Variants in MAP7 observed in about 807,000 individuals in gnomAD.
MAP7 encodes the protein ensconsin.
In MAP7, 52 loss-of-function variants were observed where a neutral mutation model predicts 94.8. The ratio of observed to expected loss-of-function variants is 0.55; its 90% CI spans 0.44 to 0.69. The LOEUF (loss-of-function observed/expected upper bound fraction) is 0.69, where lower values mean the gene tolerates loss of function less well. Among genes scored for constraint, MAP7 ranks in the 30% least tolerant of loss-of-function variants. The pLI is 0.00. For synonymous variants in MAP7, 350 were observed against 357.0 expected (o/e 0.98, Z 0.22); for missense variants, 940 against 964.6 (o/e 0.97, Z 0.34).
At chr6:136,376,844 T>C (rs770644010) in intron 7 of MAP7, among the ~76,000 whole-genome samples, 2 of 152,200 alleles carry the variant, frequency 1.3e-5, no homozygotes, top group African/African-American at 4.8e-5. Flanking sequence ...AAAGACACCA[T>C]AAAACCACCA....
At chr6:136,463,836 C>T (rs995640994) in intron 1 of MAP7, among the ~76,000 whole-genome samples, 3 of 152,200 alleles carry the variant, frequency 2.0e-5, no homozygotes, top group Admixed American at 6.5e-5. Context: ...TCAAGTACAA[C>T]ATTCTGTCTT....
Position 136,505,277 on chromosome 6 carries a change from GTATATATA to G in MAP7, c.67+45057_67+45064del, listed in dbSNP as rs56764706. 1.4e-3 allele frequency among the ~76,000 whole-genome samples: 77 copies of G among 53,824 alleles called. 1 individual carries two copies. Among genetic ancestry groups the G allele is most frequent in the African/African-American group, 5.1e-3 (64 of 12,428 alleles). 35.3% of individuals were successfully genotyped at this position (53,824 alleles called of 152,430 possible). A position where few individuals can be genotyped will look rare whatever the true frequency, so the allele number is the denominator to read the frequency against. On this transcript the variant is annotated intron_variant, in intron 1 of 17. Coordinates refer to ENST00000354570, the MANE Select transcript of MAP7 (RefSeq NM_003980.6). ...TGTGTGTGTGTGTGTGTGTGTGTGTGTATATATATATATATATATATATATATATATAT... is the reference window on the plus strand; with the variant it reads ...TGTGTGTGTGTGTGTGTGTGTGTGTGTATATATATATATATATATATATAT...
At chr6:136,522,437 A>G (rs981873254) in intron 1 of MAP7, among the ~76,000 whole-genome samples, 1 of 152,132 alleles carries the variant, frequency 6.6e-6, no homozygotes, top group African/African-American at 2.4e-5. Context: ...GTTAATCTCC[A>G]TGTTCTCTCT....
At position 136,388,787 on chromosome 6, in the gene MAP7, T is replaced by G. The variant is rs17722849; in HGVS notation, c.409-277A>C. Among the ~76,000 whole-genome samples the G allele has an allele frequency of 8.2e-3, 1,256 of 152,292 alleles. 20 individuals carry two copies. Among genetic ancestry groups the G allele is most frequent in the East Asian group, 0.039 (204 of 5,178 alleles). Reference sequence around the variant, plus strand: ...TGCGTGATGCTTTCATGAACACACGTAAGCATGGTAGTGCAGATCTTAGCT... The same window carrying G: ...TGCGTGATGCTTTCATGAACACACGGAAGCATGGTAGTGCAGATCTTAGCT... On this transcript the variant is annotated intron_variant, in intron 4 of 17. Coordinates refer to ENST00000354570, the MANE Select transcript of MAP7 (RefSeq NM_003980.6).
At chr6:136,509,614 A>G (rs1388256575) in intron 1 of MAP7, among the ~76,000 whole-genome samples, 1 of 152,118 alleles carries the variant, frequency 6.6e-6, no homozygotes, top group Non-Finnish European at 1.5e-5. Flanking sequence ...GCTGGAGTGC[A>G]GTGGCATGAT....
At chr6:136,410,393 G>C (rs1428406551) in intron 3 of MAP7, among the ~76,000 whole-genome samples, 2 of 152,164 alleles carry the variant, frequency 1.3e-5, no homozygotes, top group Non-Finnish European at 2.9e-5. Context: ...TCCTCTCTCA[G>C]TTCTGGTTTG....
At chr6:136,432,219 T>C (rs927648877) in intron 1 of MAP7, among the ~76,000 whole-genome samples, 31 of 152,162 alleles carry the variant, frequency 2.0e-4, no homozygotes, top group African/African-American at 7.0e-4. Flanking sequence ...ATCCCTAAAC[T>C]GATACAGAGA....
chr6:136,371,069 G>A (rs2128601906), intron 8 of MAP7, among the ~76,000 whole-genome samples: 1 of 150,298 alleles, frequency 6.7e-6, no homozygotes. Context: ...GTTAGTATTT[G>A]CCTAAATACT....
intron 1 of MAP7, among the ~76,000 whole-genome samples, chr6:136,519,703 C>CG (rs1267998320): frequency 6.6e-6 from 1 of 151,968 alleles, no homozygotes; most frequent in Non-Finnish European, 1.5e-5. Context: ...AAAGTGGGGG[C>CG]GGGGGAGTAC....
At chr6:136,392,739 C>T (rs1758662026) in intron 3 of MAP7, among the ~76,000 whole-genome samples, 1 of 152,138 alleles carries the variant, frequency 6.6e-6, no homozygotes, top group Non-Finnish European at 1.5e-5. Context: ...TATATACCCA[C>T]CAACAGTGTA....
chr6:136,548,741 C>A (rs893861538), intron 1 of MAP7, among the ~76,000 whole-genome samples: 11 of 152,204 alleles, frequency 7.2e-5, no homozygotes, highest in African/African-American at 2.2e-4. Flanking sequence ...CGTGCAGATT[C>A]TAGAAAGTTT....
At chr6:136,477,661 T>C (rs530440205) in intron 1 of MAP7, among the ~76,000 whole-genome samples, 1 of 152,270 alleles carries the variant, frequency 6.6e-6, no homozygotes, top group African/African-American at 2.4e-5. Flanking sequence ...CTCAGAAATA[T>C]AAAGCAAATG....
At chr6:136,457,311 A>G (rs1562423296) in intron 1 of MAP7, among the ~76,000 whole-genome samples, 1 of 151,196 alleles carries the variant, frequency 6.6e-6, no homozygotes. Flanking sequence ...CAGGAATTAA[A>G]AAAAAAAAAA....
chr6:136,426,831 G>A (rs1340360413), intron 1 of MAP7, among the ~76,000 whole-genome samples: 1 of 152,224 alleles, frequency 6.6e-6, no homozygotes, highest in Admixed American at 6.5e-5. Context: ...AGTCACTGAA[G>A]TATATATCAC....
chr6:136,383,568 C>T (rs1778364131), intron 6 of MAP7, 103 bp downstream of exon 6: 2 of 592,344 alleles, frequency 3.4e-6, no homozygotes, highest in African/African-American at 2.0e-5. Context: ...ATTTAAGAAA[C>T]GTAGGGAAAG....
intron 4 of MAP7, 130 bp downstream of exon 4, chr6:136,389,224 C>T: frequency 7.2e-7 from 1 of 1,384,450 alleles, no homozygotes; most frequent in East Asian, 2.6e-5. Flanking sequence ...AAACTGTAGC[C>T]ATCTGTAAAG....
At chr6:136,542,562 G>T (rs547396624) in intron 1 of MAP7, among the ~76,000 whole-genome samples, 4 of 152,254 alleles carry the variant, frequency 2.6e-5, no homozygotes, top group Non-Finnish European at 5.9e-5. Context: ...TATCTCAAGG[G>T]ATTAGAACAG....
At chr6:136,541,153 A>G (rs1474032705) in intron 1 of MAP7, among the ~76,000 whole-genome samples, 6 of 152,140 alleles carry the variant, frequency 3.9e-5, no homozygotes, top group African/African-American at 1.4e-4. Flanking sequence ...GCTTCTGAGA[A>G]CCAGAAGCCC....
At chr6:136,544,131 A>G (rs976533049) in intron 1 of MAP7, among the ~76,000 whole-genome samples, 1 of 152,196 alleles carries the variant, frequency 6.6e-6, no homozygotes, top group Non-Finnish European at 1.5e-5. Context: ...CATGTTGCCC[A>G]GGCTGGTCTC....
Sources: allele counts gnomAD v4.1 joint callset (sites outside exome capture counted in the v4.1 genomes callset), GRCh38; gene constraint gnomAD v4.1.1; transcripts MANE v1.5; gene names NCBI Gene and HGNC (gene_info 2026-07-23, HGNC 2026-07-21).